Variants in AKT3 observed in about 807,000 individuals in gnomAD.
AKT3 encodes RAC-gamma serine/threonine-protein kinase.
Under a neutral mutation model 65.3 loss-of-function variants are expected in AKT3, and 15 were observed. The ratio of observed to expected loss-of-function variants is 0.23; its 90% CI spans 0.15 to 0.35. AKT3 has a LOEUF of 0.35. AKT3 is among the 10% of genes least tolerant of loss of function. The pLI is 1.00. For synonymous variants in AKT3, 206 were observed against 183.8 expected (o/e 1.12, Z -0.98); for missense variants, 243 against 576.5 (o/e 0.42, Z 5.92).
intron 3 of AKT3, among the ~76,000 whole-genome samples, chr1:243,691,508 G>C (rs1012095321): frequency 1.3e-5 from 2 of 152,114 alleles, no homozygotes; most frequent in Admixed American, 6.6e-5. Flanking sequence ...CAGCAGATAT[G>C]ATGAGGCCTC....
At chr1:243,804,867 A>G (rs1692629442) in intron 2 of AKT3, among the ~76,000 whole-genome samples, 1 of 152,028 alleles carries the variant, frequency 6.6e-6, no homozygotes, top group Non-Finnish European at 1.5e-5. Flanking sequence ...AACAAACAAA[A>G]AAGAATATAA....
At chr1:243,674,549 G>A (rs1159164625) in intron 3 of AKT3, among the ~76,000 whole-genome samples, 4 of 152,176 alleles carry the variant, frequency 2.6e-5, no homozygotes, top group South Asian at 4.1e-4. Context: ...TCGTAGAAAC[G>A]ATCAGAGAAT....
At chr1:243,489,771 T>C (rs1195268997) in intron 13 of AKT3, among the ~76,000 whole-genome samples, 2 of 152,092 alleles carry the variant, frequency 1.3e-5, no homozygotes, top group Non-Finnish European at 2.9e-5. Flanking sequence ...AGCTGGCAAG[T>C]AGGGACACCG....
intron 2 of AKT3, among the ~76,000 whole-genome samples, chr1:243,743,209 T>C (rs1287562297): frequency 1.3e-5 from 2 of 152,222 alleles, no homozygotes; most frequent in African/African-American, 4.8e-5. Flanking sequence ...AAGGTTGTAA[T>C]TGGCCGGTAA....
chr1:243,568,134 T>C (rs1674305292), intron 9 of AKT3, among the ~76,000 whole-genome samples: 1 of 152,198 alleles, frequency 6.6e-6, no homozygotes, highest in African/African-American at 2.4e-5. Context: ...TCTTCTCTTC[T>C]AGATCACTTT....
chr1:243,780,725 T>C (rs1318513673), intron 2 of AKT3, among the ~76,000 whole-genome samples: 2 of 151,916 alleles, frequency 1.3e-5, no homozygotes, highest in Admixed American at 6.6e-5. Flanking sequence ...AACTTTGTAA[T>C]TGTTCTAACT....
At position 243,641,335 on chromosome 1, in the gene AKT3, T is replaced by TA. The variant is rs1361436897; in HGVS notation, c.430-3594_430-3593insT. 8.7e-4 allele frequency among the ~76,000 whole-genome samples: 130 copies of TA among 150,232 alleles called. 1 individual carries two copies. The highest frequency in any genetic ancestry group is 3.0e-3 in the African/African-American group (121 of 40,920). On this transcript the variant is annotated intron_variant, in intron 5 of 13. Coordinates refer to ENST00000673466, the MANE Select transcript of AKT3 (RefSeq NM_005465.7). ...ATATACACACATATATATATATATA[T>TA]TATTAATTCTGTCCCTCTAGAGAAC...
intron 8 of AKT3, among the ~76,000 whole-genome samples, chr1:243,576,420 C>G (rs544611656): frequency 2.0e-5 from 3 of 152,218 alleles, no homozygotes; most frequent in African/African-American, 7.2e-5. Context: ...AAAGAGCATT[C>G]AAATAGGAAG....
At chr1:243,760,865 G>A (rs1689450848) in intron 2 of AKT3, among the ~76,000 whole-genome samples, 1 of 152,108 alleles carries the variant, frequency 6.6e-6, no homozygotes, top group Non-Finnish European at 1.5e-5. Context: ...ATTCAGGCAT[G>A]AGTTATAGTG....
intron 12 of AKT3, among the ~76,000 whole-genome samples, chr1:243,519,634 CAG>C (rs895016155): frequency 3.3e-5 from 5 of 152,080 alleles, no homozygotes; most frequent in African/African-American, 1.2e-4. Context: ...AAAGCTTCAC[CAG>C]AGAGTCCTCC....
At chr1:243,597,086 T>G (rs930884371) in intron 8 of AKT3, among the ~76,000 whole-genome samples, 1 of 152,164 alleles carries the variant, frequency 6.6e-6, no homozygotes, top group African/African-American at 2.4e-5. Context: ...CAAAGAGGCA[T>G]GGCAGAACTT....
intron 12 of AKT3, among the ~76,000 whole-genome samples, chr1:243,520,287 G>A (rs1194527299): frequency 2.0e-5 from 3 of 152,266 alleles, no homozygotes; most frequent in East Asian, 3.9e-4. Flanking sequence ...GGGAAAAGAC[G>A]GCCATCTGCA....
At chr1:243,833,379 G>C (rs943093463) in intron 2 of AKT3, among the ~76,000 whole-genome samples, 2 of 152,228 alleles carry the variant, frequency 1.3e-5, no homozygotes, top group South Asian at 2.1e-4. Context: ...CATAAGGTGA[G>C]GGGGAAGAAG....
At chr1:243,637,474 T>C in intron 6 of AKT3, 137 bp downstream of exon 6, 1 of 552,236 alleles carries the variant, frequency 1.8e-6, no homozygotes, top group Non-Finnish European at 2.9e-6. Flanking sequence ...TACACAAAAA[T>C]TACTGTAGCA....
intron 4 of AKT3, among the ~76,000 whole-genome samples, chr1:243,658,864 CAAA>C (rs58117921): frequency 7.2e-5 from 6 of 82,878 alleles, no homozygotes; most frequent in Admixed American, 2.7e-4. Flanking sequence ...CTTGTCTCTA[CAAA>C]AAAAAAAAAA....
intron 2 of AKT3, among the ~76,000 whole-genome samples, chr1:243,768,700 A>G (rs1345317760): frequency 6.6e-6 from 1 of 151,932 alleles, no homozygotes; most frequent in Non-Finnish European, 1.5e-5. Flanking sequence ...CTGGGTGTAG[A>G]GGCATGCGCC....
At chr1:243,558,641 A>G (rs1032732031) in intron 10 of AKT3, among the ~76,000 whole-genome samples, 6 of 152,040 alleles carry the variant, frequency 3.9e-5, no homozygotes, top group Admixed American at 1.3e-4. Flanking sequence ...ATTTTTTGCA[A>G]TCTTTGTTAG....
At chr1:243,553,449 A>C (rs184232664) in intron 10 of AKT3, among the ~76,000 whole-genome samples, 101 of 152,338 alleles carry the variant, frequency 6.6e-4, no homozygotes, top group African/African-American at 2.2e-3. Context: ...AGAAGTCTAC[A>C]GGGCAAGACA....
At chr1:243,637,266 C>T (rs972819594) in intron 6 of AKT3, among the ~76,000 whole-genome samples, 1 of 152,012 alleles carries the variant, frequency 6.6e-6, no homozygotes, top group Non-Finnish European at 1.5e-5. Flanking sequence ...ATCATCTACA[C>T]TAGTCAATCT....
Sources: allele counts gnomAD v4.1 joint callset (sites outside exome capture counted in the v4.1 genomes callset), GRCh38; gene constraint gnomAD v4.1.1; transcripts MANE v1.5; gene names NCBI Gene and HGNC (gene_info 2026-07-23, HGNC 2026-07-21).